The following RC3H1 variants were observed in gnomAD, a reference collection of about 807,000 sequenced individuals.
The protein encoded by RC3H1 is ring finger and CCCH-type domains 1, also known as roquin-1.
A neutral mutation model predicts 138.2 loss-of-function variants in RC3H1; 50 were observed. That is an observed-to-expected ratio of 0.36 (90% CI 0.29 to 0.46). RC3H1 has a LOEUF of 0.46. Among genes scored for constraint, RC3H1 ranks in the 20% least tolerant of loss-of-function variants. RC3H1 has a pLI of 1.00. For missense variants in RC3H1, 1,031 were observed against 1,388.1 expected (o/e 0.74, Z 4.09); for synonymous variants, 462 against 489.1 (o/e 0.94, Z 0.73).
At chr1:173,940,230 G>T (rs545020897) in intron 19 of RC3H1, among the ~76,000 whole-genome samples, 27 of 152,262 alleles carry the variant, frequency 1.8e-4, no homozygotes, top group Non-Finnish European at 3.2e-4. Context: ...CCAGCACTTT[G>T]GGAGGCCGAG....
intron 13 of RC3H1, among the ~76,000 whole-genome samples, chr1:173,952,383 T>G (rs1041066394): frequency 1.0e-4 from 15 of 144,328 alleles, no homozygotes; most frequent in African/African-American, 3.7e-4. Context: ...TTGTTTTTTT[T>G]TTTTACCTTA....
intron 9 of RC3H1, among the ~76,000 whole-genome samples, chr1:173,966,986 T>C (rs1407460086): frequency 1.3e-5 from 2 of 152,172 alleles, no homozygotes; most frequent in Non-Finnish European, 2.9e-5. Context: ...TAGACATCCC[T>C]TTATGTCAGT....
At chr1:174,021,743 T>C (rs1661965595) in intron 1 of RC3H1, among the ~76,000 whole-genome samples, 1 of 152,128 alleles carries the variant, frequency 6.6e-6, no homozygotes, top group South Asian at 2.1e-4. Flanking sequence ...GCAGTTCCCG[T>C]GCGCATTCCC....
rs534127804 is a variant in RC3H1, at chr1:173,978,688, T to A, written c.970-68A>T. The A allele has an allele frequency of 4.8e-6, 7 of 1,461,812 alleles. No homozygotes were observed. In the East Asian group the frequency reaches 1.2e-4, roughly 26 times the overall value. 90.6% of individuals were successfully genotyped at this position (1,461,812 alleles called of 1,614,324 possible). On this transcript the variant is annotated intron_variant, in intron 6 of 19. Transcript: ENST00000367696. ...CCTTTAAATATAAAGATTATTTATA[T>A]CACAATCATTTTTGCGATTTATTAA... is the stretch of plus-strand genomic sequence containing the variant.
At chr1:173,945,437 A>C (rs887278222) in intron 17 of RC3H1, among the ~76,000 whole-genome samples, 1 of 152,062 alleles carries the variant, frequency 6.6e-6, no homozygotes, top group African/African-American at 2.4e-5. Context: ...GATTTTAAAA[A>C]TTCTTTAGTT....
Position 173,943,374 on chromosome 1 carries a change from A to C in RC3H1, c.3135+68T>G. ...CTTGAAGTGATGATTCTGTGCCTCT[A>C]GATAATTCTAGAGCCACATGAAAGA... On this transcript the variant is annotated intron_variant, in intron 18 of 19. Coordinates refer to ENST00000367696, the MANE Select transcript of RC3H1 (RefSeq NM_172071.4). 6 of 1,480,334 alleles carry C rather than the reference A, an allele frequency of 4.1e-6. No homozygotes were observed. The South Asian group carries it at 7.8e-5, about 19-fold the overall frequency. The allele number at this position is 1,480,334 out of a possible 1,614,324, so 91.7% of individuals were successfully genotyped here. A position where few individuals can be genotyped will look rare whatever the true frequency, so the allele number is the denominator to read the frequency against.
In RC3H1 at chr1:173,982,708, C is replaced by A. The variant is rs1660873851; in HGVS notation, c.768+19G>T. On this transcript the variant is annotated intron_variant, in intron 5 of 19. Coordinates refer to ENST00000367696, the MANE Select transcript of RC3H1 (RefSeq NM_172071.4). Reference sequence around the variant, plus strand: ...GAACAATATTTCCTTTCAAGCTGAGCTTTAATGTAGGTTCATACCTTGAAA... The same window carrying A: ...GAACAATATTTCCTTTCAAGCTGAGATTTAATGTAGGTTCATACCTTGAAA... The A allele has an allele frequency of 1.9e-6, 3 of 1,560,472 alleles. No individual in the cohort carries two copies. Among genetic ancestry groups the A allele is most frequent in the Non-Finnish European group, 2.6e-6 (3 of 1,156,866 alleles).
At chr1:173,994,712 G>A (rs1289797951) in intron 1 of RC3H1, among the ~76,000 whole-genome samples, 3 of 150,152 alleles carry the variant, frequency 2.0e-5, no homozygotes, top group African/African-American at 4.9e-5. Flanking sequence ...TAGGAGGATC[G>A]CTTGAGCCCA....
At chr1:173,976,254 T>C (rs867355379) in intron 7 of RC3H1, among the ~76,000 whole-genome samples, 5 of 151,928 alleles carry the variant, frequency 3.3e-5, no homozygotes, top group East Asian at 1.9e-4. Context: ...CTGGCCAAGA[T>C]GGTGAAACCC....
intron 1 of RC3H1, among the ~76,000 whole-genome samples, chr1:173,997,198 C>G (rs1465524403): frequency 6.6e-6 from 1 of 152,062 alleles, no homozygotes; most frequent in Non-Finnish European, 1.5e-5. Context: ...GCACTCCAGC[C>G]TGGGCAACGG....
At chr1:174,014,004 C>A (rs910080947) in intron 1 of RC3H1, among the ~76,000 whole-genome samples, 3 of 152,126 alleles carry the variant, frequency 2.0e-5, no homozygotes, top group Non-Finnish European at 4.4e-5. Context: ...ACATGACATT[C>A]TGGAAAGGTA....
chr1:173,957,476 A>G (rs1361069569), intron 13 of RC3H1, among the ~76,000 whole-genome samples: 1 of 152,220 alleles, frequency 6.6e-6, no homozygotes. Context: ...TATTTCTTAT[A>G]AAACAATATG....
chr1:173,968,197 G>A (rs547916674), intron 9 of RC3H1, among the ~76,000 whole-genome samples: 1 of 152,220 alleles, frequency 6.6e-6, no homozygotes, highest in East Asian at 1.9e-4. Context: ...CAGGTAAATA[G>A]TTATTAGTCT....
intron 1 of RC3H1, among the ~76,000 whole-genome samples, chr1:174,012,151 AGCCT>A (rs1661781915): frequency 6.6e-6 from 1 of 151,824 alleles, no homozygotes; most frequent in Non-Finnish European, 1.5e-5. Context: ...GGATCACTTG[AGCCT>A]GGGAGGTCAA....
At chr1:173,995,878 A>G (rs1052174770) in intron 1 of RC3H1, among the ~76,000 whole-genome samples, 10 of 152,254 alleles carry the variant, frequency 6.6e-5, no homozygotes, top group African/African-American at 2.4e-4. Flanking sequence ...GATTGATTAC[A>G]GTGATTGTCC....
chr1:174,015,949 C>T (rs1661854944), intron 1 of RC3H1: 1 of 151,898 alleles, frequency 6.6e-6, no homozygotes, highest in African/African-American at 2.4e-5. Flanking sequence ...GTCTGTAATC[C>T]CAGCACTCTG....
intron 9 of RC3H1, among the ~76,000 whole-genome samples, chr1:173,966,836 G>C (rs1384635898): frequency 6.6e-6 from 1 of 152,186 alleles, no homozygotes. Context: ...CTACCCCTCA[G>C]GGGTAATTAT....
chr1:174,019,707 C>T (rs918596739), intron 1 of RC3H1, among the ~76,000 whole-genome samples: 3 of 151,950 alleles, frequency 2.0e-5, no homozygotes, highest in Middle Eastern at 3.4e-3. Flanking sequence ...ATTTTTATTA[C>T]CTGAGAAAAT....
chr1:173,987,468 T>C (rs920898920), intron 2 of RC3H1, among the ~76,000 whole-genome samples: 1 of 152,190 alleles, frequency 6.6e-6, no homozygotes, highest in Non-Finnish European at 1.5e-5. Context: ...ATAGCCCCCA[T>C]TACTCTGTGT....
Sources: allele counts gnomAD v4.1 joint callset (sites outside exome capture counted in the v4.1 genomes callset), GRCh38; gene constraint gnomAD v4.1.1; transcripts MANE v1.5; gene names NCBI Gene and HGNC (gene_info 2026-07-23, HGNC 2026-07-21).